The following ERICH3 variants were observed in gnomAD, a reference collection of about 807,000 sequenced individuals.
ERICH3 encodes the protein glutamate rich 3, also known as glutamate-rich protein 3.
In ERICH3, 126 loss-of-function variants were observed where a neutral mutation model predicts 131.1. That is an observed-to-expected ratio of 0.96 (90% CI 0.83 to 1.11). The LOEUF (loss-of-function observed/expected upper bound fraction) is 1.11. ERICH3 is among the 50% of genes most tolerant of loss of function. The pLI is 0.00. For missense variants in ERICH3, 2,050 were observed against 1,810.7 expected, an observed-to-expected ratio of 1.13 and a Z score of -2.40; for synonymous variants, 695 against 644.6, an observed-to-expected ratio of 1.08 and a Z score of -1.18.
intron 1 of ERICH3, among the ~76,000 whole-genome samples, chr1:74,661,040 C>G (rs1570917788): frequency 6.6e-6 from 1 of 151,750 alleles, no homozygotes; most frequent in East Asian, 1.9e-4. Flanking sequence ...AACAGAAAAG[C>G]CAGACACCAA....
At chr1:74,660,186 G>A (rs1646626933) in intron 1 of ERICH3, among the ~76,000 whole-genome samples, 1 of 152,000 alleles carries the variant, frequency 6.6e-6, no homozygotes, top group Admixed American at 6.6e-5. Context: ...GCCACCATGT[G>A]AGGAAGGACA....
At chr1:74,608,474 G>A (rs553210282) in intron 9 of ERICH3, among the ~76,000 whole-genome samples, 3 of 151,986 alleles carry the variant, frequency 2.0e-5, no homozygotes, top group Non-Finnish European at 4.4e-5. Flanking sequence ...TCTCAAAAAT[G>A]CCTCAACCTG....
intron 1 of ERICH3, among the ~76,000 whole-genome samples, chr1:74,655,889 T>A (rs1483402947): frequency 1.3e-5 from 2 of 152,142 alleles, no homozygotes; most frequent in Non-Finnish European, 2.9e-5. Context: ...GAAATTTATT[T>A]CTCACAATAC....
At chr1:74,655,833 G>A (rs771696694) in intron 1 of ERICH3, among the ~76,000 whole-genome samples, 1 of 152,086 alleles carries the variant, frequency 6.6e-6, no homozygotes, top group Non-Finnish European at 1.5e-5. Flanking sequence ...CCCATTTAAT[G>A]CTGCTGTAAC....
At chr1:74,576,777 T>C (rs1048494312) in intron 13 of ERICH3, 118 bp downstream of exon 13, 3 of 888,154 alleles carry the variant, frequency 3.4e-6, no homozygotes, top group Admixed American at 2.5e-5. Flanking sequence ...TTCTTAAAAG[T>C]CATTCAATAA....
In ERICH3 at chr1:74,620,996, AAAG is replaced by A. The variant is rs563629246; in HGVS notation, c.820-85_820-83del. ...TACCTGACATTGTAATATGAAGAAT[AAAG>A]AAGGTTATTTTTAAGTACCTACCAA... On this transcript the variant is annotated intron_variant, in intron 7 of 14. Coordinates refer to ENST00000326665, the MANE Select transcript of ERICH3 (RefSeq NM_001002912.5). The A allele has an allele frequency of 2.6e-4, 305 of 1,160,560 alleles. No homozygotes were observed. In the African/African-American group the frequency reaches 4.4e-3, roughly 17 times the overall value. 71.9% of individuals were successfully genotyped at this position (1,160,560 alleles called of 1,614,324 possible). A position where few individuals can be genotyped will look rare whatever the true frequency, so the allele number is the denominator to read the frequency against.
intron 12 of ERICH3, chr1:74,586,444 A>C: frequency 1.0e-6 from 1 of 984,406 alleles, no homozygotes; most frequent in Non-Finnish European, 1.2e-6. Context: ...TCCCTGGAGA[A>C]AAAGAGTAAA....
At chr1:74,597,583 T>G (rs1014674660) in intron 11 of ERICH3, among the ~76,000 whole-genome samples, 1 of 151,986 alleles carries the variant, frequency 6.6e-6, no homozygotes, top group African/African-American at 2.4e-5. Flanking sequence ...ATTTTTCCCA[T>G]TGAAAATTCC....
At chr1:74,642,248 C>T (rs1646443718) in intron 4 of ERICH3, among the ~76,000 whole-genome samples, 1 of 152,084 alleles carries the variant, frequency 6.6e-6, no homozygotes, top group South Asian at 2.1e-4. Context: ...AGACCTGAGT[C>T]CATCAGGCAA....
chr1:74,613,702 T>G (rs1648812445), intron 8 of ERICH3, among the ~76,000 whole-genome samples: 1 of 152,140 alleles, frequency 6.6e-6, no homozygotes, highest in South Asian at 2.1e-4. Context: ...TGCTTACAAT[T>G]AATAGTTTTT....
At chr1:74,656,711 C>G (rs376723105) in intron 1 of ERICH3, among the ~76,000 whole-genome samples, 1 of 152,198 alleles carries the variant, frequency 6.6e-6, no homozygotes, top group Non-Finnish European at 1.5e-5. Flanking sequence ...CACATAGAAT[C>G]TGGCAAACTC....
At chr1:74,648,614 G>A (rs551688023) in intron 2 of ERICH3, among the ~76,000 whole-genome samples, 5 of 152,190 alleles carry the variant, frequency 3.3e-5, no homozygotes, top group African/African-American at 1.2e-4. Context: ...GTTTTAAGAA[G>A]GTAAACAGCT....
chr1:74,661,010 A>G (rs1159822544), intron 1 of ERICH3, among the ~76,000 whole-genome samples: 2 of 152,126 alleles, frequency 1.3e-5, no homozygotes, highest in Admixed American at 1.3e-4. Flanking sequence ...GAAGGAAAGG[A>G]AAAAGGGAAG....
chr1:74,583,731 T>C (rs887718795), intron 12 of ERICH3, among the ~76,000 whole-genome samples: 2 of 152,228 alleles, frequency 1.3e-5, no homozygotes, highest in African/African-American at 4.8e-5. Context: ...TATTTCATGC[T>C]TACTTGAATC....
In ERICH3 at chr1:74,641,318, T is replaced by A; in HGVS notation, c.444+13A>T. 6.2e-7 allele frequency: 1 copy of A among 1,611,032 alleles called. No homozygotes were observed. The highest frequency in any genetic ancestry group is 8.5e-7 in the Non-Finnish European group (1 of 1,178,814). The stretch of plus-strand genomic sequence containing the variant: ...CTGGGATACTGCATGACGAAGTGTT[T>A]AATATTACTCACCAGTGCTAACGGA... On this transcript the variant is annotated intron_variant, in intron 5 of 14. Transcript: ENST00000326665.
rs1267468287 is a variant in ERICH3, at chr1:74,570,264, G to A, written c.*194C>T. ...TAAGAAGGGTCCTACAGATCTACTTGAGCTATTCTCAAGGTGCTTACTGAG... is the reference window on the plus strand; with the variant it reads ...TAAGAAGGGTCCTACAGATCTACTTAAGCTATTCTCAAGGTGCTTACTGAG... On this transcript the variant is annotated 3_prime_UTR_variant, in exon 15 of 15. Coordinates refer to ENST00000326665, the MANE Select transcript of ERICH3 (RefSeq NM_001002912.5). 1 of 152,180 alleles carries A rather than the reference G, an allele frequency of 6.6e-6. No individual in the cohort carries two copies. The highest frequency in any genetic ancestry group is 1.5e-5 in the Non-Finnish European group (1 of 68,020). The allele number at this position is 152,180 out of a possible 1,614,324, so 9.4% of individuals were successfully genotyped here.
At chr1:74,617,878 A>G (rs1014283367) in intron 8 of ERICH3, among the ~76,000 whole-genome samples, 1 of 152,208 alleles carries the variant, frequency 6.6e-6, no homozygotes, top group Admixed American at 6.5e-5. Flanking sequence ...TAAAACTGAA[A>G]AAAAAGTCAA....
intron 3 of ERICH3, among the ~76,000 whole-genome samples, chr1:74,645,877 T>A (rs1017784076): frequency 2.0e-5 from 3 of 152,116 alleles, no homozygotes; most frequent in Admixed American, 2.0e-4. Context: ...CTGATGATTC[T>A]ACAGTTGTTC....
At chr1:74,585,348 T>G (rs1050086390) in intron 12 of ERICH3, among the ~76,000 whole-genome samples, 8 of 152,214 alleles carry the variant, frequency 5.3e-5, no homozygotes, top group Non-Finnish European at 1.2e-4. Context: ...CTGTGTACAG[T>G]ACATCTTTTA....
Sources: gnomAD v4.1 joint callset for allele counts (sites outside exome capture counted in the v4.1 genomes callset) on GRCh38, gnomAD v4.1.1 for gene constraint, MANE v1.5 for transcripts, NCBI Gene and HGNC (gene_info 2026-07-23, HGNC 2026-07-21) for gene names.